Variants in DLGAP1 observed in about 807,000 individuals in gnomAD.
The protein encoded by DLGAP1 is DLG associated protein 1.
A neutral mutation model predicts 90.8 loss-of-function variants in DLGAP1; 11 were observed. The ratio of observed to expected loss-of-function variants is 0.12; its 90% CI spans 0.08 to 0.20. The LOEUF (loss-of-function observed/expected upper bound fraction) is 0.20. DLGAP1 is among the 10% of genes least tolerant of loss of function. The pLI is 1.00. For missense variants in DLGAP1, 1,050 were observed against 1,333.8 expected (o/e 0.79, Z 3.31); for synonymous variants, 558 against 540.7 (o/e 1.03, Z -0.44).
chr18:4,351,424 GCT>G (rs2081399744), intron 1 of DLGAP1, among the ~76,000 whole-genome samples: 1 of 152,116 alleles, frequency 6.6e-6, no homozygotes, highest in Non-Finnish European at 1.5e-5. Flanking sequence ...GTTATTAGTA[GCT>G]CTGAGATAAA....
intron 7 of DLGAP1, among the ~76,000 whole-genome samples, chr18:3,719,293 G>A (rs574131366): frequency 2.0e-5 from 3 of 151,976 alleles, no homozygotes; most frequent in African/African-American, 7.2e-5. Flanking sequence ...TTGGCCAGGT[G>A]CGGTGGCTCG....
In DLGAP1 at chr18:4,429,062, A is replaced by G. The variant is rs140572182; in HGVS notation, c.-267+25944T>C. ...GGATTTTTCAAATTGTGAAAATCTC[A>G]AAACAGTCCTAAGAGTTACTGTGTT... On this transcript the variant is annotated intron_variant, in intron 1 of 12. Coordinates refer to ENST00000315677, the MANE Select transcript of DLGAP1 (RefSeq NM_004746.4). 1.3e-3 allele frequency among the ~76,000 whole-genome samples: 204 copies of G among 152,326 alleles called. 1 individual carries two copies. Among genetic ancestry groups the G allele is most frequent in the African/African-American group, 4.6e-3 (193 of 41,584 alleles).
chr18:3,675,506 T>C (rs2060265744), intron 7 of DLGAP1, among the ~76,000 whole-genome samples: 1 of 152,254 alleles, frequency 6.6e-6, no homozygotes, highest in South Asian at 2.1e-4. Flanking sequence ...GGATTCTAAC[T>C]TGGGGCCCTC....
chr18:3,659,842 G>C (rs947113258), intron 7 of DLGAP1, among the ~76,000 whole-genome samples: 1 of 152,152 alleles, frequency 6.6e-6, no homozygotes, highest in Admixed American at 6.5e-5. Context: ...GGGATTACAC[G>C]CATGAGCCAC....
intron 7 of DLGAP1, chr18:3,607,284 A>C (rs2057370088): frequency 6.6e-6 from 1 of 152,168 alleles, no homozygotes; most frequent in African/African-American, 2.4e-5. Context: ...CAGCCTCCAG[A>C]GTAGCTGGAC....
intron 1 of DLGAP1, among the ~76,000 whole-genome samples, chr18:4,244,683 G>A (rs958566970): frequency 2.0e-5 from 3 of 152,164 alleles, no homozygotes; most frequent in African/African-American, 4.8e-5. Context: ...CATGATCTGT[G>A]TGTCATTTTC....
intron 1 of DLGAP1, among the ~76,000 whole-genome samples, chr18:4,356,474 A>C (rs987333380): frequency 1.3e-5 from 2 of 152,138 alleles, no homozygotes; most frequent in African/African-American, 4.8e-5. Flanking sequence ...TCAACAATGG[A>C]CAATTTTATA....
intron 1 of DLGAP1, among the ~76,000 whole-genome samples, chr18:4,336,480 G>A (rs2081069291): frequency 6.6e-6 from 1 of 152,186 alleles, no homozygotes; most frequent in Admixed American, 6.5e-5. Context: ...AAAGATGCTG[G>A]CAGCTAAGGA....
chr18:4,027,299 AG>A (rs1347934162), intron 2 of DLGAP1, among the ~76,000 whole-genome samples: 2 of 151,956 alleles, frequency 1.3e-5, no homozygotes, highest in Non-Finnish European at 2.9e-5. Flanking sequence ...GGAGGCCAGG[AG>A]TTCGAGACTA....
chr18:3,831,846 T>C (rs772581794), intron 4 of DLGAP1, among the ~76,000 whole-genome samples: 1 of 152,344 alleles, frequency 6.6e-6, no homozygotes, highest in African/African-American at 2.4e-5. Flanking sequence ...AAGACAAACA[T>C]GAAGGAATGG....
At chr18:3,563,844 A>G (rs2054286350) in intron 9 of DLGAP1, among the ~76,000 whole-genome samples, 1 of 152,124 alleles carries the variant, frequency 6.6e-6, no homozygotes, top group Admixed American at 6.5e-5. Context: ...CCTCAAGTTT[A>G]GACATTAGTG....
At chr18:3,813,078 T>A (rs1324975688) in intron 5 of DLGAP1, among the ~76,000 whole-genome samples, 1 of 152,210 alleles carries the variant, frequency 6.6e-6, no homozygotes, top group Non-Finnish European at 1.5e-5. Context: ...CTTAAAATAA[T>A]CAATCTCAGT....
chr18:3,694,038 C>A lies in DLGAP1; in HGVS notation c.1591+35097G>T, dbSNP rs916851796. On this transcript the variant is annotated intron_variant, in intron 7 of 12. Coordinates refer to ENST00000315677, the MANE Select transcript of DLGAP1 (RefSeq NM_004746.4). Reference sequence around the variant, plus strand: ...AATGCTATCCCTCCCCTAGCCACCCCCCCCTCAGCCCCCAACAGGCCCCAG... The same window carrying A: ...AATGCTATCCCTCCCCTAGCCACCCACCCCTCAGCCCCCAACAGGCCCCAG... Among the ~76,000 whole-genome samples the A allele has an allele frequency of 2.8e-5, 4 of 140,912 alleles. No homozygotes were observed. The East Asian group carries it at 6.0e-4, about 21-fold the overall frequency. 92.4% of individuals were successfully genotyped at this position (140,912 alleles called of 152,430 possible).
intron 2 of DLGAP1, among the ~76,000 whole-genome samples, chr18:4,145,527 A>G (rs2076571031): frequency 6.6e-6 from 1 of 152,182 alleles, no homozygotes; most frequent in Non-Finnish European, 1.5e-5. Flanking sequence ...TTCTGCTGAC[A>G]AGTGCTGGGG....
intron 1 of DLGAP1, among the ~76,000 whole-genome samples, chr18:4,319,192 C>G (rs1007269621): frequency 2.0e-5 from 3 of 152,020 alleles, no homozygotes; most frequent in African/African-American, 7.2e-5. Context: ...AAACAAAATT[C>G]CTAGCATATA....
chr18:4,120,815 TTTTC>T (rs2076142177), intron 2 of DLGAP1, among the ~76,000 whole-genome samples: 1 of 150,380 alleles, frequency 6.6e-6, no homozygotes, highest in Non-Finnish European at 1.5e-5. Flanking sequence ...TCCTCTTTCT[TTTTC>T]TTTCTTTTAT....
At chr18:4,199,603 A>G in intron 1 of DLGAP1, among the ~76,000 whole-genome samples, 1 of 152,200 alleles carries the variant, frequency 6.6e-6, no homozygotes, top group East Asian at 1.9e-4. Context: ...GCCTTAATAT[A>G]ACAGCCACAT....
chr18:3,641,929 C>T (rs951996363), intron 7 of DLGAP1, among the ~76,000 whole-genome samples: 6 of 152,248 alleles, frequency 3.9e-5, no homozygotes, highest in Admixed American at 2.6e-4. Context: ...AGTTAAATGC[C>T]TTTGGACGCT....
chr18:4,070,795 G>A (rs1277852811), intron 2 of DLGAP1, among the ~76,000 whole-genome samples: 2 of 151,972 alleles, frequency 1.3e-5, no homozygotes, highest in East Asian at 1.9e-4. Context: ...AAAACAATAC[G>A]TATAAGAAGT....
Sources: gnomAD v4.1 joint callset for allele counts (sites outside exome capture counted in the v4.1 genomes callset) on GRCh38, gnomAD v4.1.1 for gene constraint, MANE v1.5 for transcripts, NCBI Gene and HGNC (gene_info 2026-07-23, HGNC 2026-07-21) for gene names.